Variants in PKHD1 observed in about 807,000 individuals in gnomAD.
PKHD1 encodes fibrocystin.
In PKHD1, 291 loss-of-function variants were observed where a neutral mutation model predicts 412.0. The ratio of observed to expected loss-of-function variants is 0.71; its 90% CI spans 0.64 to 0.78. The LOEUF (loss-of-function observed/expected upper bound fraction) is 0.78, where lower values mean the gene tolerates loss of function less well. PKHD1 is among the 30% of genes least tolerant of loss of function. The probability of loss-of-function intolerance (pLI) is 0.00; values close to 1 mark genes in which losing one functional copy is unlikely to be tolerated. For synonymous variants in PKHD1, 1,777 were observed against 1,821.5 expected, an observed-to-expected ratio of 0.98 and a Z score of 0.62; for missense variants, 4,825 against 4,950.7, an observed-to-expected ratio of 0.97 and a Z score of 0.76.
chr6:51,719,615 A>C (rs1762042393), intron 60 of PKHD1, among the ~76,000 whole-genome samples: 1 of 152,312 alleles, frequency 6.6e-6, no homozygotes, highest in East Asian at 1.9e-4. Context: ...AGGTTTTATG[A>C]GACCCCAAAT....
chr6:51,659,874 C>G lies in PKHD1; in HGVS notation c.10252G>C (p.Ala3418Pro), dbSNP rs776589273. The change falls in exon 61 of 67, where the codon GCT (alanine) becomes CCT (proline). Residue 3418 changes from alanine to proline, a missense_variant. Coordinates refer to ENST00000371117, the MANE Select transcript of PKHD1 (RefSeq NM_138694.4). ...TTCTGAATTGCCCAAATGGCATCAG[C>G]GCTATCAAGAATTAGGACCACTTGG... ...TDQVVLILDS[A>P]DAIWAIQKLY... 1.9e-6 allele frequency: 3 copies of G among 1,613,362 alleles called. No individual in the cohort carries two copies. Among genetic ancestry groups the G allele is most frequent in the Non-Finnish European group, 2.5e-6 (3 of 1,179,496 alleles).
At chr6:51,950,605 A>T (rs1222850096) in intron 36 of PKHD1, among the ~76,000 whole-genome samples, 1 of 152,050 alleles carries the variant, frequency 6.6e-6, no homozygotes, top group East Asian at 1.9e-4. Context: ...GAGCTCCCAA[A>T]TTTACAGTTT....
At chr6:51,747,709 A>G in intron 58 of PKHD1, 78 bp downstream of exon 58, 1 of 1,299,028 alleles carries the variant, frequency 7.7e-7, no homozygotes. Context: ...TTTTGTTGAT[A>G]AAATTTCAGA....
intron 14 of PKHD1, among the ~76,000 whole-genome samples, chr6:52,061,982 A>G (rs1808749966): frequency 6.6e-6 from 1 of 152,202 alleles, no homozygotes; most frequent in African/African-American, 2.4e-5. Context: ...ACCATTAAAC[A>G]GGAAAATTAG....
At position 51,883,327 on chromosome 6, in the gene PKHD1, C is replaced by T. The variant is rs1354088262; in HGVS notation, c.7216-100G>A. The T allele has an allele frequency of 7.2e-6, 8 of 1,108,004 alleles. No individual in the cohort carries two copies. The Admixed American group carries it at 1.2e-4, about 17-fold the overall frequency. The allele number at this position is 1,108,004 out of a possible 1,614,324, so 68.6% of individuals were successfully genotyped here. On this transcript the variant is annotated intron_variant, in intron 45 of 66. Transcript: ENST00000371117. Reference sequence around the variant, plus strand: ...TATTGATTAAGTAGAAAGAAGCATGCTATATTGTATTAAAGCACCTTTTGT... The same window carrying T: ...TATTGATTAAGTAGAAAGAAGCATGTTATATTGTATTAAAGCACCTTTTGT...
intron 45 of PKHD1, among the ~76,000 whole-genome samples, chr6:51,883,818 A>G (rs1314823451): frequency 6.6e-6 from 1 of 152,144 alleles, no homozygotes; most frequent in Non-Finnish European, 1.5e-5. Flanking sequence ...AATCCCTGAT[A>G]TAACAGTGTT....
chr6:52,008,058 A>G (rs1429481686), intron 35 of PKHD1, among the ~76,000 whole-genome samples: 1 of 152,212 alleles, frequency 6.6e-6, no homozygotes, highest in Non-Finnish European at 1.5e-5. Context: ...CTTGAGTGTA[A>G]CACATCACAT....
At chr6:52,003,442 A>G (rs943779139) in intron 35 of PKHD1, among the ~76,000 whole-genome samples, 1 of 152,136 alleles carries the variant, frequency 6.6e-6, no homozygotes, top group Non-Finnish European at 1.5e-5. Flanking sequence ...CTCAACCACA[A>G]TATTTATCTG....
At chr6:52,010,821 A>AT (rs1799712014) in intron 34 of PKHD1, among the ~76,000 whole-genome samples, 2 of 151,650 alleles carry the variant, frequency 1.3e-5, no homozygotes, top group African/African-American at 4.8e-5. Context: ...TTTTGTTTTT[A>AT]TTTTTTTTCT....
chr6:51,908,559 T>C (rs1782486756), intron 40 of PKHD1, among the ~76,000 whole-genome samples: 1 of 152,180 alleles, frequency 6.6e-6, no homozygotes, highest in African/African-American at 2.4e-5. Flanking sequence ...TGTCAGCTTT[T>C]GGTAATGAGT....
In PKHD1 at chr6:52,009,312, G is replaced by GA. The variant is rs1329994281; in HGVS notation, c.5751+996dup. On this transcript the variant is annotated intron_variant, in intron 35 of 66. Transcript: ENST00000371117. Reference sequence around the variant, plus strand: ...GGCACGGAACAGTTTAGTAAGGACAGAAAAAAAATGTTGTTTGCCATCGCA... The same window carrying GA: ...GGCACGGAACAGTTTAGTAAGGACAGAAAAAAAAATGTTGTTTGCCATCGCA... 3.9e-5 allele frequency among the ~76,000 whole-genome samples: 6 copies of GA among 152,082 alleles called. No individual in the cohort carries two copies. In the East Asian group the frequency reaches 9.7e-4, roughly 25 times the overall value.
intron 43 of PKHD1, 121 bp from the exon 44 acceptor site, chr6:51,887,366 A>G: frequency 1.4e-6 from 1 of 730,430 alleles, no homozygotes; most frequent in Non-Finnish European, 2.5e-6. Flanking sequence ...AGTACATTAA[A>G]ACTCTATTAT....
intron 52 of PKHD1, among the ~76,000 whole-genome samples, chr6:51,811,796 A>G (rs1241466169): frequency 2.0e-5 from 3 of 152,208 alleles, no homozygotes; most frequent in African/African-American, 4.8e-5. Context: ...AAATAAATAC[A>G]CATATTTAAA....
At chr6:51,686,056 A>C (rs922754883) in intron 60 of PKHD1, among the ~76,000 whole-genome samples, 2 of 152,114 alleles carry the variant, frequency 1.3e-5, no homozygotes, top group African/African-American at 4.8e-5. Flanking sequence ...TTCTCTGCTG[A>C]TCACTGGCTG....
chr6:51,946,916 T>A (rs1789535735), intron 36 of PKHD1, among the ~76,000 whole-genome samples: 1 of 152,218 alleles, frequency 6.6e-6, no homozygotes, highest in Non-Finnish European at 1.5e-5. Flanking sequence ...TCCTCTATAA[T>A]AACCACAAAA....
chr6:51,719,447 G>A (rs1781650864), intron 60 of PKHD1, among the ~76,000 whole-genome samples: 1 of 152,120 alleles, frequency 6.6e-6, no homozygotes, highest in Admixed American at 6.5e-5. Flanking sequence ...GTGCATTGTA[G>A]GATGTTTTAC....
chr6:51,615,714 A>G lies in PKHD1; in HGVS notation c.*3367T>C, dbSNP rs1331886685. On this transcript the variant is annotated 3_prime_UTR_variant, in exon 67 of 67. Coordinates refer to ENST00000371117, the MANE Select transcript of PKHD1 (RefSeq NM_138694.4). ...GCATTTCAATGTATAGTAATTTCAT[A>G]TATTTGGAGTAAGACTGATAGATGG... 6.6e-6 allele frequency: 1 copy of G among 152,206 alleles called. No individual in the cohort carries two copies. Among genetic ancestry groups the G allele is most frequent in the Non-Finnish European group, 1.5e-5 (1 of 68,048 alleles). 9.4% of individuals were successfully genotyped at this position (152,206 alleles called of 1,614,324 possible). A position where few individuals can be genotyped will look rare whatever the true frequency, so the allele number is the denominator to read the frequency against.
chr6:51,973,300 C>CA (rs1793931805), intron 35 of PKHD1, among the ~76,000 whole-genome samples: 1 of 152,100 alleles, frequency 6.6e-6, no homozygotes, highest in Non-Finnish European at 1.5e-5. Context: ...AAAGCCCTTC[C>CA]AAAAAATCAT....
Position 52,058,532 on chromosome 6 carries a change from C to G in PKHD1, c.1303G>C (p.Gly435Arg), listed in dbSNP as rs763244593. 6.2e-7 allele frequency: 1 copy of G among 1,614,206 alleles called. No homozygotes were observed. Among genetic ancestry groups the G allele is most frequent in the South Asian group, 1.1e-5 (1 of 91,082 alleles). ...FDSWEQNRDE[G>R]TWQQKTPKLE... ...TTGGGAGTCTTCTGCTGCCAGGTCC[C>G]TTCATCCCTATTCTGCTCCCAGGAG... Residue 435 changes from glycine to arginine, a missense_variant, in exon 16 of 67, where the codon GGG (glycine) becomes CGG (arginine). Physicochemically the swap from Gly to Arg is moderately radical, Grantham distance 125. Transcript: ENST00000371117.
Sources: allele counts gnomAD v4.1 joint callset (sites outside exome capture counted in the v4.1 genomes callset), GRCh38; gene constraint gnomAD v4.1.1; transcripts MANE v1.5; gene names NCBI Gene and HGNC (gene_info 2026-07-23, HGNC 2026-07-21).